Variants in LAMA2 observed in about 807,000 individuals in gnomAD.
The protein encoded by LAMA2 is laminin subunit alpha 2.
In LAMA2, 269 loss-of-function variants were observed where a neutral mutation model predicts 364.8. The observed-to-expected ratio is 0.74, with a 90% CI of 0.67 to 0.82. The LOEUF is 0.82. Among genes scored for constraint, LAMA2 ranks in the 40% least tolerant of loss-of-function variants. The pLI, the probability that LAMA2 is intolerant of heterozygous loss-of-function variation, is 0.00. For synonymous variants in LAMA2, 1,379 were observed against 1,370.6 expected, an observed-to-expected ratio of 1.01 and a Z score of -0.14; for missense variants, 3,807 against 3,873.2, an observed-to-expected ratio of 0.98 and a Z score of 0.45.
rs112226670 is a variant in LAMA2, at chr6:129,495,566, A to G, written c.8244+3083A>G. ...AATTCCAAATCGGGTACCATATTCA[A>G]TCAAGCAGAACCTCATGGACCTTCT... On this transcript the variant is annotated intron_variant, in intron 58 of 64. Coordinates refer to ENST00000421865, the MANE Select transcript of LAMA2 (RefSeq NM_000426.4). Among the ~76,000 whole-genome samples, 165 of 152,196 alleles carry G rather than the reference A, an allele frequency of 1.1e-3. 3 individuals carry two copies. The highest frequency in any genetic ancestry group is 3.7e-3 in the African/African-American group (154 of 41,510).
intron 6 of LAMA2, among the ~76,000 whole-genome samples, 196 bp from the exon 7 acceptor site, chr6:129,148,783 T>G (rs1020514327): frequency 4.0e-4 from 61 of 152,090 alleles, no homozygotes; most frequent in African/African-American, 1.4e-3. Context: ...AGAACCAGCC[T>G]GGACTTCCTT....
In LAMA2 at chr6:129,267,105, G is replaced by C; in HGVS notation, c.2209-1G>C. ...TGACTAAAGCCTTATCTTTCTCTCAGTCTTGTTGGCCTAGGCACAGGCGAG... is the reference window on the plus strand; with the variant it reads ...TGACTAAAGCCTTATCTTTCTCTCACTCTTGTTGGCCTAGGCACAGGCGAG... On this transcript the variant is annotated splice_acceptor_variant, in intron 15 of 64. Transcript: ENST00000421865. LOFTEE classifies it high-confidence loss of function. 1 of 1,594,966 alleles carries C rather than the reference G, an allele frequency of 6.3e-7. No homozygotes were observed. Among genetic ancestry groups the C allele is most frequent in the Non-Finnish European group, 8.6e-7 (1 of 1,162,656 alleles).
chr6:129,125,831 T>C (rs546559298), intron 4 of LAMA2, among the ~76,000 whole-genome samples: 1 of 152,264 alleles, frequency 6.6e-6, no homozygotes, highest in African/African-American at 2.4e-5. Flanking sequence ...TTTGAGGGAA[T>C]GGGTATGTTA....
At chr6:129,477,818 CTG>C in intron 53 of LAMA2, among the ~76,000 whole-genome samples, 1 of 152,282 alleles carries the variant, frequency 6.6e-6, no homozygotes, top group East Asian at 1.9e-4. Context: ...GGATCTCACT[CTG>C]TAGCCCAGGC....
chr6:129,449,224 C>T lies in LAMA2; in HGVS notation c.6429+3403C>T, dbSNP rs117212378. 1.5e-3 allele frequency among the ~76,000 whole-genome samples: 233 copies of T among 152,234 alleles called. 2 individuals carry two copies. Among genetic ancestry groups the T allele is most frequent in the Non-Finnish European group, 2.2e-3 (149 of 68,014 alleles). ...CTGGGCAATAGATTACTGTCTAGTC[C>T]ACTTCATGCTGCTGTGACAGAGTAT... On this transcript the variant is annotated intron_variant, in intron 45 of 64. Transcript: ENST00000421865.
At position 129,402,220 on chromosome 6, in the gene LAMA2, A is replaced by C. The variant is rs1780017399; in HGVS notation, c.5563-104A>C. Reference sequence around the variant, plus strand: ...CAAGACTCTGTCTCAAAAAAAAAAAAAAAAAAACTAAACTAAACGTGTAGT... The same window carrying C: ...CAAGACTCTGTCTCAAAAAAAAAAACAAAAAAACTAAACTAAACGTGTAGT... On this transcript the variant is annotated intron_variant, in intron 38 of 64. Transcript: ENST00000421865. The C allele has an allele frequency of 4.4e-6, 4 of 900,840 alleles. No homozygotes were observed. The East Asian group carries it at 8.2e-5, about 18-fold the overall frequency. The allele number at this position is 900,840 out of a possible 1,614,324, so 55.8% of individuals were successfully genotyped here.
intron 37 of LAMA2, among the ~76,000 whole-genome samples, chr6:129,397,389 T>C (rs1779712561): frequency 6.6e-6 from 1 of 152,196 alleles, no homozygotes; most frequent in Non-Finnish European, 1.5e-5. Flanking sequence ...GAATATATTA[T>C]ACATTAATTT....
chr6:128,929,229 T>C (rs1410224942), intron 1 of LAMA2: 11 of 1,487,178 alleles, frequency 7.4e-6, no homozygotes, highest in Non-Finnish European at 1.0e-5. Flanking sequence ...AGCTTCTTCC[T>C]CTGATTGATG....
chr6:129,249,551 A>G (rs1413836011), intron 12 of LAMA2, among the ~76,000 whole-genome samples: 3 of 152,238 alleles, frequency 2.0e-5, no homozygotes, highest in Admixed American at 1.3e-4. Context: ...AGAGGAAAGT[A>G]TACCTTCTTT....
At chr6:129,030,151 G>A (rs138758523) in intron 1 of LAMA2, among the ~76,000 whole-genome samples, 24 of 152,128 alleles carry the variant, frequency 1.6e-4, no homozygotes, top group African/African-American at 3.1e-4. Context: ...CCCTCTGGGC[G>A]TGGCCTCTAG....
chr6:128,984,160 T>A (rs2114645211), intron 1 of LAMA2, among the ~76,000 whole-genome samples: 1 of 152,262 alleles, frequency 6.6e-6, no homozygotes, highest in Middle Eastern at 3.4e-3. Context: ...TCAGTCATTC[T>A]TGTTTCCCCA....
intron 19 of LAMA2, among the ~76,000 whole-genome samples, chr6:129,289,483 C>T (rs967214638): frequency 6.6e-6 from 1 of 152,124 alleles, no homozygotes; most frequent in African/African-American, 2.4e-5. Flanking sequence ...TAGCAGTGCT[C>T]ATAGTAGCTG....
intron 18 of LAMA2, 79 bp from the exon 19 acceptor site, chr6:129,287,768 A>T: frequency 1.8e-6 from 2 of 1,123,172 alleles, no homozygotes; most frequent in East Asian, 2.3e-5. Context: ...TCCTGGGAGA[A>T]GGGGAGAATG....
At chr6:129,205,717 G>T (rs1782595385) in intron 12 of LAMA2, among the ~76,000 whole-genome samples, 1 of 151,874 alleles carries the variant, frequency 6.6e-6, no homozygotes, top group African/African-American at 2.4e-5. Context: ...GATCCAAGGT[G>T]TATTTTAAAT....
chr6:129,391,920 A>G (rs1779347434), intron 36 of LAMA2, among the ~76,000 whole-genome samples: 2 of 152,194 alleles, frequency 1.3e-5, no homozygotes, highest in African/African-American at 2.4e-5. Flanking sequence ...CATATAATCA[A>G]GTAAATGATC....
intron 1 of LAMA2, among the ~76,000 whole-genome samples, chr6:128,923,808 A>G (rs1175072807): frequency 6.6e-6 from 1 of 152,120 alleles, no homozygotes; most frequent in Non-Finnish European, 1.5e-5. Context: ...TGCAATGACA[A>G]ATACAGGTCC....
chr6:129,260,056 G>A (rs1057453932), intron 14 of LAMA2, among the ~76,000 whole-genome samples: 4 of 151,990 alleles, frequency 2.6e-5, no homozygotes, highest in Non-Finnish European at 4.4e-5. Flanking sequence ...CTAAAATAAT[G>A]AGTTATGCCA....
At chr6:128,889,308 A>G (rs567302083) in intron 1 of LAMA2, among the ~76,000 whole-genome samples, 1 of 152,218 alleles carries the variant, frequency 6.6e-6, no homozygotes, top group Non-Finnish European at 1.5e-5. Context: ...GTTGAAAATG[A>G]CATAGTGATG....
rs1777563552 is a variant in LAMA2 at position 128,907,446 on chromosome 6, G to A, written c.112+24089G>A. Among the ~76,000 whole-genome samples the A allele has an allele frequency of 4.6e-5, 7 of 152,240 alleles. No individual in the cohort carries two copies. In the South Asian group the frequency reaches 1.5e-3, roughly 32 times the overall value. Reference sequence around the variant, plus strand: ...GATTTGGCTCTGTTTGTCTGTTGTTGGTGTATAAGAATGCTTGTGATTTTT... The same window carrying A: ...GATTTGGCTCTGTTTGTCTGTTGTTAGTGTATAAGAATGCTTGTGATTTTT... On this transcript the variant is annotated intron_variant, in intron 1 of 64. Transcript: ENST00000421865.
Sources: gnomAD v4.1 joint callset for allele counts (sites outside exome capture counted in the v4.1 genomes callset) on GRCh38, gnomAD v4.1.1 for gene constraint, MANE v1.5 for transcripts, NCBI Gene and HGNC (gene_info 2026-07-23, HGNC 2026-07-21) for gene names.